MTF2: variants seen among roughly 807,000 people sequenced by gnomAD.
MTF2 encodes metal-response element-binding transcription factor 2.
MTF2 carries 11 observed loss-of-function variants against 79.5 expected under a neutral mutation model. The observed-to-expected ratio is 0.14, with a 90% CI of 0.09 to 0.23. The LOEUF is 0.23. Among genes scored for constraint, MTF2 ranks in the 10% least tolerant of loss-of-function variants. The pLI, the probability that MTF2 is intolerant of heterozygous loss-of-function variation, is 1.00. For missense variants in MTF2, 486 were observed against 711.2 expected (o/e 0.68, Z 3.60); for synonymous variants, 208 against 232.8 (o/e 0.89, Z 0.97).
chr1:93,137,852 A>C lies in MTF2; in HGVS notation c.*825A>C, dbSNP rs532495440. On this transcript the variant is annotated 3_prime_UTR_variant, in exon 15 of 15. Coordinates refer to ENST00000370298, the MANE Select transcript of MTF2 (RefSeq NM_007358.4). ...AAGAAGGGTGTGAACAACAGTGTTC[A>C]TGGGCTTTTAGAATGCTTTTCACTT... 6.6e-6 allele frequency: 1 copy of C among 152,202 alleles called. No individual in the cohort carries two copies. The highest frequency in any genetic ancestry group is 1.5e-5 in the Non-Finnish European group (1 of 68,022). The allele number at this position is 152,202 out of a possible 1,614,324, so 9.4% of individuals were successfully genotyped here.
chr1:93,108,337 C>T (rs1049712015), intron 1 of MTF2, among the ~76,000 whole-genome samples: 1 of 152,034 alleles, frequency 6.6e-6, no homozygotes, highest in African/African-American at 2.4e-5. Flanking sequence ...TACTTTCAAT[C>T]GTAGTAGTAT....
At position 93,125,270 on chromosome 1, in the gene MTF2, T is replaced by A. The variant is rs191331967; in HGVS notation, c.922-1962T>A. ...AGTCATGTATACCCTTGGTTTCTTT[T>A]TTGATATGATTAGCAACGCTGGTTT... On this transcript the variant is annotated intron_variant, in intron 9 of 14. Transcript: ENST00000370298. Among the ~76,000 whole-genome samples, 1,214 of 151,728 alleles carry A rather than the reference T, an allele frequency of 8.0e-3. 6 individuals are homozygous for A. Among genetic ancestry groups the A allele is most frequent in the Non-Finnish European group, 0.012 (805 of 67,782 alleles).
chr1:93,086,566 C>T (rs1416313245), intron 1 of MTF2, among the ~76,000 whole-genome samples: 1 of 151,190 alleles, frequency 6.6e-6, no homozygotes, highest in African/African-American at 2.4e-5. Context: ...GTATGAATGC[C>T]TTGGGTGGAA....
At chr1:93,082,499 A>AGGCTG (rs1307069523) in intron 1 of MTF2, among the ~76,000 whole-genome samples, 4 of 152,090 alleles carry the variant, frequency 2.6e-5, no homozygotes, top group Non-Finnish European at 5.9e-5. Flanking sequence ...TGTGTTGCCC[A>AGGCTG]GGCTGGTCAT....
At chr1:93,125,645 G>A (rs1416287363) in intron 9 of MTF2, among the ~76,000 whole-genome samples, 2 of 151,818 alleles carry the variant, frequency 1.3e-5, no homozygotes, top group African/African-American at 2.4e-5. Context: ...CAGTACATGG[G>A]TATGATAGGG....
chr1:93,088,055 A>G (rs917000636), intron 1 of MTF2, among the ~76,000 whole-genome samples: 2 of 152,136 alleles, frequency 1.3e-5, no homozygotes, highest in African/African-American at 4.8e-5. Context: ...AGTAATTGGA[A>G]CTTTTAAAAC....
At chr1:93,097,818 G>A (rs998084359) in intron 1 of MTF2, among the ~76,000 whole-genome samples, 3 of 151,990 alleles carry the variant, frequency 2.0e-5, no homozygotes, top group South Asian at 2.1e-4. Context: ...GGCTGGTCGC[G>A]AGCTCCTGAC....
intron 1 of MTF2, among the ~76,000 whole-genome samples, chr1:93,096,564 CT>C (rs972142009): frequency 6.6e-6 from 1 of 151,018 alleles, no homozygotes; most frequent in African/African-American, 2.4e-5. Flanking sequence ...TATTTTTCTA[CT>C]TTTTGGGGGC....
chr1:93,137,151 AG>A lies in MTF2; in HGVS notation c.*128del. 1.3e-6 allele frequency: 1 copy of A among 749,012 alleles called. No homozygotes were observed. The highest frequency in any genetic ancestry group is 2.1e-6 in the Non-Finnish European group (1 of 473,576). 46.4% of individuals were successfully genotyped at this position (749,012 alleles called of 1,614,324 possible). ...AAAAAAAGTCAAAAAAATTCAAAAA[AG>A]GGGATGATACTAGCCTTAACATGTA... On this transcript the variant is annotated 3_prime_UTR_variant, in exon 15 of 15. Coordinates refer to ENST00000370298, the MANE Select transcript of MTF2 (RefSeq NM_007358.4).
chr1:93,098,379 G>A (rs1655384250), intron 1 of MTF2, among the ~76,000 whole-genome samples: 1 of 152,034 alleles, frequency 6.6e-6, no homozygotes, highest in Non-Finnish European at 1.5e-5. Context: ...TTTTTGGTGT[G>A]CACACGTGTT....
intron 1 of MTF2, among the ~76,000 whole-genome samples, chr1:93,106,669 G>A (rs1193157617): frequency 3.3e-5 from 5 of 152,062 alleles, no homozygotes; most frequent in Admixed American, 1.3e-4. Context: ...ACAGGCATAC[G>A]CCACCACACC....
intron 1 of MTF2, among the ~76,000 whole-genome samples, chr1:93,100,412 C>G (rs1655481199): frequency 6.6e-6 from 1 of 152,172 alleles, no homozygotes; most frequent in South Asian, 2.1e-4. Context: ...TCACGCCATT[C>G]TCCTGCCTCA....
chr1:93,101,568 G>GTTTTTTGTTTTTTTTT (rs1655536683), intron 1 of MTF2, among the ~76,000 whole-genome samples: 3 of 25,398 alleles, frequency 1.2e-4, no homozygotes, highest in Admixed American at 8.4e-4. Context: ...GCTCAGGCTG[G>GTTTTTTGTTTTTTTTT]TTTTTTTTTT....
In MTF2 at chr1:93,115,449, AT is replaced by A; in HGVS notation, c.484-14del. ...AAAATTTTAGCCTTCACTCTTTCAC[AT>A]TTTTTTCCCTCTAATGTAGAGGGGT... On this transcript the variant is annotated intron_variant, in intron 5 of 14. Coordinates refer to ENST00000370298, the MANE Select transcript of MTF2 (RefSeq NM_007358.4). 22 of 1,518,232 alleles carry A rather than the reference AT, an allele frequency of 1.4e-5. No homozygotes were observed. The highest frequency in any genetic ancestry group is 5.1e-5 in the South Asian group (4 of 78,274). 94.0% of individuals were successfully genotyped at this position (1,518,232 alleles called of 1,614,324 possible).
chr1:93,084,278 T>C (rs762939585), intron 1 of MTF2, among the ~76,000 whole-genome samples: 1 of 152,218 alleles, frequency 6.6e-6, no homozygotes, highest in Non-Finnish European at 1.5e-5. Context: ...TTTGACAATC[T>C]TGTCAAAAAT....
chr1:93,116,809 A>G (rs1316464765), intron 6 of MTF2, among the ~76,000 whole-genome samples: 1 of 152,084 alleles, frequency 6.6e-6, no homozygotes, highest in African/African-American at 2.4e-5. Flanking sequence ...CCCCCACTGT[A>G]AGATTATTAA....
chr1:93,082,786 A>G (rs965813604), intron 1 of MTF2, among the ~76,000 whole-genome samples: 3 of 152,174 alleles, frequency 2.0e-5, no homozygotes, highest in African/African-American at 7.2e-5. Context: ...TTGTGCAGCC[A>G]TCACCATACC....
At chr1:93,118,464 C>G (rs371162884) in intron 7 of MTF2, 24 bp downstream of exon 7, 1 of 1,491,180 alleles carries the variant, frequency 6.7e-7, no homozygotes, top group Non-Finnish European at 9.1e-7. Context: ...TTGAACTTTA[C>G]TGGCTGATTT....
chr1:93,134,150 C>G lies in MTF2; in HGVS notation c.1379C>G (p.Ser460Cys), dbSNP rs1014597465. Reference protein sequence around the residue: ...NTSDVDFTGASSAKETTSSSI... With the variant: ...NTSDVDFTGACSAKETTSSSI... ...TCAGATGTGGATTTCACGGGTGCTT[C>G]CAGTGCAAAAGAAACTACCTCGTCT... Residue 460 changes from serine (S) to cysteine (C), a missense_variant, in exon 14 of 15, where the codon TCC becomes TGC. By Grantham distance (112) the Ser-to-Cys change is moderately radical. Around this residue, in one of 4 missense-constraint regions of MTF2, gnomAD observed 209 missense variants for 206.5 expected, o/e 1.01. Transcript: ENST00000370298. 6.2e-7 allele frequency: 1 copy of G among 1,613,664 alleles called. No individual in the cohort carries two copies. The highest frequency in any genetic ancestry group is 1.7e-4 in the Middle Eastern group (1 of 6,054).
Sources: gnomAD v4.1 joint callset for allele counts (sites outside exome capture counted in the v4.1 genomes callset) on GRCh38, gnomAD v4.1.1 for gene constraint, gnomAD v4.1.1 regional missense constraint, MANE v1.5 for transcripts, NCBI Gene and HGNC (gene_info 2026-07-23, HGNC 2026-07-21) for gene names.